Variants in PCDH9 observed in about 807,000 individuals in gnomAD.
The protein encoded by PCDH9 is protocadherin-9.
PCDH9 carries 24 observed loss-of-function variants against 70.6 expected under a neutral mutation model. That is an observed-to-expected ratio of 0.34 (90% CI 0.25 to 0.48). PCDH9 has a LOEUF of 0.48. Ranked by LOEUF, PCDH9 falls within the 20% of genes least tolerant of loss-of-function variation. The pLI is 0.99. For missense variants in PCDH9, 1,281 were observed against 1,503.6 expected, an observed-to-expected ratio of 0.85 and a Z score of 2.45; for synonymous variants, 562 against 558.5, an observed-to-expected ratio of 1.01 and a Z score of -0.09.
intron 4 of PCDH9, among the ~76,000 whole-genome samples, chr13:66,503,444 T>C (rs977565515): frequency 6.6e-6 from 1 of 152,224 alleles, no homozygotes; most frequent in African/African-American, 2.4e-5. Flanking sequence ...TAACCTCTTC[T>C]ATGTAACTTT....
chr13:67,043,366 T>C (rs1275147451), intron 2 of PCDH9, among the ~76,000 whole-genome samples: 1 of 152,116 alleles, frequency 6.6e-6, no homozygotes, highest in Non-Finnish European at 1.5e-5. Context: ...ATTGTATAAA[T>C]TTAAGTGATA....
At chr13:66,814,409 A>G (rs561498891) in intron 3 of PCDH9, among the ~76,000 whole-genome samples, 1 of 152,268 alleles carries the variant, frequency 6.6e-6, no homozygotes, top group East Asian at 1.9e-4. Flanking sequence ...CTAATGCTAT[A>G]TTCTAAAGTA....
intron 2 of PCDH9, among the ~76,000 whole-genome samples, chr13:67,027,862 C>A (rs2084819003): frequency 6.6e-6 from 1 of 151,786 alleles, no homozygotes; most frequent in Admixed American, 6.6e-5. Flanking sequence ...ATCAAAACCA[C>A]AATGAGATAC....
intron 2 of PCDH9, among the ~76,000 whole-genome samples, chr13:66,926,860 C>T (rs559002372): frequency 1.3e-5 from 2 of 151,972 alleles, no homozygotes; most frequent in South Asian, 4.2e-4. Context: ...ACAAAAAAAT[C>T]AGTGAAGCAT....
intron 2 of PCDH9, among the ~76,000 whole-genome samples, chr13:67,061,714 T>G (rs2138128324): frequency 6.6e-6 from 1 of 152,196 alleles, no homozygotes; most frequent in African/African-American, 2.4e-5. Context: ...GAAAGGTGCG[T>G]TTTAAAAAAT....
chr13:67,070,418 T>C (rs1256452654), intron 2 of PCDH9, among the ~76,000 whole-genome samples: 1 of 152,180 alleles, frequency 6.6e-6, no homozygotes, highest in African/African-American at 2.4e-5. Context: ...TAAAGAGAAG[T>C]AGACAGCCTT....
At chr13:66,575,673 C>A (rs2076804582) in intron 4 of PCDH9, among the ~76,000 whole-genome samples, 1 of 152,106 alleles carries the variant, frequency 6.6e-6, no homozygotes. Context: ...ATCTTTTCAT[C>A]CTTTAGGTTT....
intron 3 of PCDH9, among the ~76,000 whole-genome samples, chr13:66,631,955 G>A (rs1359823622): frequency 2.0e-5 from 3 of 152,072 alleles, no homozygotes; most frequent in South Asian, 2.1e-4. Context: ...GTGCAATGGC[G>A]CGATCTTGGC....
At chr13:67,152,176 A>G (rs536704033) in intron 2 of PCDH9, among the ~76,000 whole-genome samples, 40 of 152,338 alleles carry the variant, frequency 2.6e-4, no homozygotes, top group Admixed American at 5.9e-4. Context: ...AGAACATTCC[A>G]TACACCCAGA....
chr13:66,732,929 A>G (rs2079096747), intron 3 of PCDH9, among the ~76,000 whole-genome samples: 1 of 152,050 alleles, frequency 6.6e-6, no homozygotes, highest in Non-Finnish European at 1.5e-5. Flanking sequence ...GGACATATAT[A>G]CACACAGATG....
intron 3 of PCDH9, among the ~76,000 whole-genome samples, chr13:66,888,056 C>T (rs1261139549): frequency 6.6e-6 from 1 of 152,188 alleles, no homozygotes; most frequent in Non-Finnish European, 1.5e-5. Context: ...TTACTGAACT[C>T]AGCTTGCAAA....
At chr13:66,485,574 A>G (rs934810375) in intron 4 of PCDH9, among the ~76,000 whole-genome samples, 1 of 152,134 alleles carries the variant, frequency 6.6e-6, no homozygotes, top group African/African-American at 2.4e-5. Context: ...AAATGCATAC[A>G]GGTATGTGTA....
chr13:67,188,033 A>C (rs1308305786), intron 2 of PCDH9, among the ~76,000 whole-genome samples: 1 of 152,170 alleles, frequency 6.6e-6, no homozygotes, highest in Non-Finnish European at 1.5e-5. Context: ...CACTCCTCCT[A>C]ATGAATTTCA....
chr13:66,806,136 A>T (rs1401054705), intron 3 of PCDH9, among the ~76,000 whole-genome samples: 1 of 152,196 alleles, frequency 6.6e-6, no homozygotes. Flanking sequence ...GTACATATTC[A>T]TAAATATGTG....
At chr13:66,517,279 GATTT>G (rs1959783018) in intron 4 of PCDH9, among the ~76,000 whole-genome samples, 1 of 152,062 alleles carries the variant, frequency 6.6e-6, no homozygotes, top group Non-Finnish European at 1.5e-5. Context: ...GTAACTGACC[GATTT>G]ATTAAATCAT....
chr13:66,363,890 C>T (rs1027717380), intron 4 of PCDH9, among the ~76,000 whole-genome samples: 1 of 152,092 alleles, frequency 6.6e-6, no homozygotes, highest in Non-Finnish European at 1.5e-5. Flanking sequence ...TGTGATGGAT[C>T]GTGCCTGTAA....
intron 4 of PCDH9, among the ~76,000 whole-genome samples, chr13:66,336,907 C>A (rs1386858304): frequency 2.6e-5 from 4 of 151,968 alleles, no homozygotes; most frequent in Non-Finnish European, 5.9e-5. Context: ...ATGCAAGCTA[C>A]CTAGACATTT....
intron 3 of PCDH9, among the ~76,000 whole-genome samples, chr13:66,681,760 C>T (rs1566502319): frequency 6.6e-6 from 1 of 151,990 alleles, no homozygotes; most frequent in Non-Finnish European, 1.5e-5. Context: ...CCAACATCAT[C>T]TCTGCTGTAA....
chr13:66,835,374 G>C (rs2139417287), intron 3 of PCDH9, among the ~76,000 whole-genome samples: 1 of 152,080 alleles, frequency 6.6e-6, no homozygotes, highest in South Asian at 2.1e-4. Context: ...TAGGCTGAAA[G>C]CCTCTAAATC....
Sources: gnomAD v4.1 joint callset for allele counts (sites outside exome capture counted in the v4.1 genomes callset) on GRCh38, gnomAD v4.1.1 for gene constraint, MANE v1.5 for transcripts, NCBI Gene and HGNC (gene_info 2026-07-23, HGNC 2026-07-21) for gene names.